The following BCAS1 variants were observed in gnomAD, a reference collection of about 807,000 sequenced individuals.
BCAS1 encodes breast carcinoma-amplified sequence 1.
In BCAS1, 46 loss-of-function variants were observed where a neutral mutation model predicts 65.4. The ratio of observed to expected loss-of-function variants is 0.70; its 90% CI spans 0.55 to 0.90. BCAS1 has a LOEUF of 0.90. Among genes scored for constraint, BCAS1 ranks in the 40% least tolerant of loss-of-function variants. The pLI is 0.00. For missense variants in BCAS1, 793 were observed against 771.2 expected, an observed-to-expected ratio of 1.03 and a Z score of -0.33; for synonymous variants, 298 against 293.5, an observed-to-expected ratio of 1.02 and a Z score of -0.16.
At chr20:53,960,469 T>TAAAAAA in intron 10 of BCAS1, among the ~76,000 whole-genome samples, 1 of 63,114 alleles carries the variant, frequency 1.6e-5, no homozygotes, top group Non-Finnish European at 2.9e-5. Context: ...TTCAACTTCT[T>TAAAAAA]AAAAAAAAAA....
intron 3 of BCAS1, among the ~76,000 whole-genome samples, chr20:54,040,977 A>G (rs1478588933): frequency 6.6e-6 from 1 of 151,476 alleles, no homozygotes. Context: ...TTTGCATATA[A>G]TAGAGTATTA....
chr20:53,961,034 C>A (rs1214018467), intron 10 of BCAS1, among the ~76,000 whole-genome samples: 1 of 152,184 alleles, frequency 6.6e-6, no homozygotes, highest in Admixed American at 6.5e-5. Flanking sequence ...GGGCATTCAG[C>A]CTGCAGTGTT....
intron 4 of BCAS1, among the ~76,000 whole-genome samples, chr20:54,023,539 T>A (rs746480308): frequency 5.3e-5 from 8 of 152,210 alleles, no homozygotes; most frequent in Non-Finnish European, 1.2e-4. Flanking sequence ...GTTAGCTTCA[T>A]GGAGAACCTG....
At chr20:53,965,157 C>A (rs538334798) in intron 10 of BCAS1, among the ~76,000 whole-genome samples, 1 of 151,574 alleles carries the variant, frequency 6.6e-6, no homozygotes, top group Non-Finnish European at 1.5e-5. Context: ...CCATATGGGC[C>A]GCCCACAACT....
At chr20:54,020,477 C>T (rs985688201) in intron 4 of BCAS1, among the ~76,000 whole-genome samples, 2 of 152,190 alleles carry the variant, frequency 1.3e-5, no homozygotes, top group African/African-American at 4.8e-5. Context: ...ACATATTTTG[C>T]AATGACTTTC....
intron 4 of BCAS1, among the ~76,000 whole-genome samples, chr20:54,023,965 C>G (rs1220846021): frequency 6.6e-6 from 1 of 152,112 alleles, no homozygotes; most frequent in Non-Finnish European, 1.5e-5. Flanking sequence ...GGGAGAAAAC[C>G]CATAATACTG....
At chr20:54,018,163 A>AT (rs777095810) in intron 4 of BCAS1, among the ~76,000 whole-genome samples, 13 of 152,042 alleles carry the variant, frequency 8.6e-5, no homozygotes, top group Non-Finnish European at 1.3e-4. Context: ...CCCAGTTGTG[A>AT]TTTTCACTCT....
intron 7 of BCAS1, among the ~76,000 whole-genome samples, chr20:53,988,008 A>G (rs119069): frequency 0.73 from 111,084 of 152,048 alleles, 40,950 homozygotes; most frequent in East Asian, 0.94. Flanking sequence ...CCAAGAATCC[A>G]GGGGTTGGGG....
chr20:54,020,779 T>G (rs985447551), intron 4 of BCAS1, among the ~76,000 whole-genome samples: 1 of 152,154 alleles, frequency 6.6e-6, no homozygotes, highest in African/African-American at 2.4e-5. Context: ...AAAAATAAGG[T>G]AGTGGGTCAA....
intron 10 of BCAS1, among the ~76,000 whole-genome samples, chr20:53,959,565 T>C (rs767119448): frequency 3.9e-5 from 6 of 152,200 alleles, no homozygotes; most frequent in Non-Finnish European, 8.8e-5. Context: ...AGCTATTTTT[T>C]AAAAAATTTT....
At chr20:53,966,428 G>A (rs114469027) in intron 10 of BCAS1, among the ~76,000 whole-genome samples, 9,071 of 152,250 alleles carry the variant, frequency 0.06, 371 homozygotes, top group Non-Finnish European at 0.083. Context: ...GCTAAGCTAC[G>A]AGGATGCAAA....
chr20:54,068,612 A>C (rs556554695), intron 1 of BCAS1: 6 of 152,360 alleles, frequency 3.9e-5, no homozygotes, highest in African/African-American at 1.4e-4. Context: ...AAGGCTGAGC[A>C]ATGCCATCCC....
At chr20:53,956,164 C>T (rs1473292597) in intron 11 of BCAS1, among the ~76,000 whole-genome samples, 11 of 152,192 alleles carry the variant, frequency 7.2e-5, no homozygotes, top group Non-Finnish European at 4.4e-5. Flanking sequence ...GAATCCTTAA[C>T]TCCCAATGTG....
At chr20:54,057,151 A>G (rs1312049696) in intron 3 of BCAS1, among the ~76,000 whole-genome samples, 1 of 152,218 alleles carries the variant, frequency 6.6e-6, no homozygotes, top group Non-Finnish European at 1.5e-5. Context: ...TCCAGGATAA[A>G]GTCAAATAGG....
At chr20:54,038,751 A>G (rs1257222425) in intron 3 of BCAS1, among the ~76,000 whole-genome samples, 1 of 151,446 alleles carries the variant, frequency 6.6e-6, no homozygotes, top group Admixed American at 6.6e-5. Flanking sequence ...ATCTCTTCCT[A>G]TGCAAGCAAC....
chr20:54,026,108 G>A (rs1328414415), intron 4 of BCAS1, among the ~76,000 whole-genome samples: 2 of 152,194 alleles, frequency 1.3e-5, no homozygotes, highest in East Asian at 3.8e-4. Flanking sequence ...AAAATCAGAT[G>A]CAGACTTCAC....
chr20:53,984,337 C>T (rs559126671), intron 8 of BCAS1, among the ~76,000 whole-genome samples: 2 of 152,222 alleles, frequency 1.3e-5, no homozygotes, highest in African/African-American at 2.4e-5. Flanking sequence ...CTGACATCAT[C>T]CAAAGTTTTT....
chr20:53,950,327 A>G (rs562916243), intron 12 of BCAS1, among the ~76,000 whole-genome samples: 1 of 152,108 alleles, frequency 6.6e-6, no homozygotes, highest in Non-Finnish European at 1.5e-5. Context: ...TCCTCCTGGA[A>G]GAAAGAGCCT....
intron 4 of BCAS1, among the ~76,000 whole-genome samples, chr20:54,027,164 C>A (rs2091690155): frequency 6.6e-6 from 1 of 152,198 alleles, no homozygotes; most frequent in South Asian, 2.1e-4. Flanking sequence ...TGGAAATAAG[C>A]TCTTTGAATC....
Sources: gnomAD v4.1 joint callset for allele counts (sites outside exome capture counted in the v4.1 genomes callset) on GRCh38, gnomAD v4.1.1 for gene constraint, MANE v1.5 for transcripts, NCBI Gene and HGNC (gene_info 2026-07-23, HGNC 2026-07-21) for gene names.